ACBD6: variants seen among roughly 807,000 people sequenced by gnomAD.
ACBD6 encodes acyl-CoA binding domain containing 6.
In ACBD6, 28 loss-of-function variants were observed where a neutral mutation model predicts 37.2. The observed-to-expected ratio is 0.75, with a 90% CI of 0.56 to 1.03. The LOEUF (loss-of-function observed/expected upper bound fraction) is 1.03, where lower values mean the gene tolerates loss of function less well. Ranked by LOEUF, ACBD6 falls within the 50% of genes least tolerant of loss-of-function variation. The pLI is 0.00. For missense variants in ACBD6, 340 were observed against 337.4 expected (o/e 1.01, Z -0.06); for synonymous variants, 113 against 126.8 (o/e 0.89, Z 0.73).
At position 180,350,022 on chromosome 1, in the gene ACBD6, CCTT is replaced by C. The variant is rs1276392215; in HGVS notation, c.664-35303_664-35301del. Among the ~76,000 whole-genome samples, 31 of 131,504 alleles carry C rather than the reference CCTT, an allele frequency of 2.4e-4. 1 individual carries two copies. Among genetic ancestry groups the C allele is most frequent in the South Asian group, 4.6e-4 (2 of 4,330 alleles). The allele number at this position is 131,504 out of a possible 152,430, so 86.3% of individuals were successfully genotyped here. Reference sequence around the variant, plus strand: ...AGGTGTTTCAGTCCTCTCCAGTGACCCTTTTTTTTTTTTTTTTTTTTTGAGCAG... The same window carrying C: ...AGGTGTTTCAGTCCTCTCCAGTGACCTTTTTTTTTTTTTTTTTTTGAGCAG... On this transcript the variant is annotated intron_variant, in intron 6 of 7. Transcript: ENST00000367595.
Position 180,288,468 on chromosome 1 carries a change from A to C in ACBD6, c.744T>G (p.Gly248=), listed in dbSNP as rs72712998. The C allele has an allele frequency of 5.8e-3, 9,440 of 1,613,784 alleles. 31 individuals carry two copies. Among genetic ancestry groups the C allele is most frequent in the Non-Finnish European group, 6.6e-3 (7,809 of 1,179,938 alleles). The change falls in exon 8 of 8, where the codon GGT becomes GGG. Residue 248 remains glycine (G), a synonymous_variant. Transcript: ENST00000367595. The part of the protein sequence containing the change: ...LDIVELLLQS[G]ADPTLRDQDG... ...CCTGGTCTCGGAGAGTGGGGTCAGCACCAGACTGGAGCAGCAGCTCTACAA... is the reference window on the plus strand; with the variant it reads ...CCTGGTCTCGGAGAGTGGGGTCAGCCCCAGACTGGAGCAGCAGCTCTACAA...
At chr1:180,421,139 T>C (rs1176489202) in intron 4 of ACBD6, among the ~76,000 whole-genome samples, 6 of 152,146 alleles carry the variant, frequency 3.9e-5, no homozygotes. Context: ...CAGCATCCAT[T>C]AGCTAGCTGT....
intron 5 of ACBD6, among the ~76,000 whole-genome samples, chr1:180,402,123 T>C (rs1271523943): frequency 2.0e-5 from 3 of 152,180 alleles, no homozygotes; most frequent in Non-Finnish European, 4.4e-5. Context: ...CAACCTGTAA[T>C]GTCCCCATCT....
Position 180,274,379 on chromosome 1 carries a change from C to T in ACBD6, c.*937-267G>A, listed in dbSNP as rs148293290. The T allele has an allele frequency of 5.6e-6, 9 of 1,614,092 alleles. No individual in the cohort carries two copies. In the African/African-American group the frequency reaches 1.2e-4, roughly 22 times the overall value. The stretch of plus-strand genomic sequence containing the variant: ...CATATCGTCCCTGCCATCCCACGCT[C>T]CTTTGCTCAATGGGCTGGATTACAC... On this transcript the variant is annotated intron_variant, in intron 10 of 13. Transcript: ENST00000642319.
At chr1:180,298,025 AT>A (rs1310323555) in intron 7 of ACBD6, among the ~76,000 whole-genome samples, 1 of 152,232 alleles carries the variant, frequency 6.6e-6, no homozygotes, top group African/African-American at 2.4e-5. Flanking sequence ...GATAACAGGC[AT>A]GAGCCACTGT....
intron 3 of ACBD6, among the ~76,000 whole-genome samples, chr1:180,438,711 G>A (rs1358476474): frequency 6.6e-6 from 1 of 151,960 alleles, no homozygotes; most frequent in East Asian, 1.9e-4. Flanking sequence ...CTAACATCTT[G>A]CATTGAGTGG....
chr1:180,436,073 G>A (rs2102005695), intron 3 of ACBD6: 1 of 601,912 alleles, frequency 1.7e-6, no homozygotes, highest in Non-Finnish European at 2.9e-6. Context: ...CCAGGTTAAA[G>A]ATGATTCAGC....
Position 180,502,362 on chromosome 1 carries a change from G to A in ACBD6, c.-96C>T, listed in dbSNP as rs1652021171. 1.5e-6 allele frequency: 2 copies of A among 1,370,114 alleles called. No individual in the cohort carries two copies. Among genetic ancestry groups the A allele is most frequent in the Non-Finnish European group, 2.0e-6 (2 of 980,120 alleles). 84.9% of individuals were successfully genotyped at this position (1,370,114 alleles called of 1,614,324 possible). On this transcript the variant is annotated 5_prime_UTR_variant, in exon 1 of 8. Transcript: ENST00000367595. The stretch of plus-strand genomic sequence containing the variant: ...GGCCTGGCCCACCAGTCTGGGTCGC[G>A]AGCCTGAGCTCCAGTCGGACCCAAG...
rs571844992 is a variant in ACBD6, at chr1:180,347,427, T to G, written c.664-32705A>C. Reference sequence around the variant, plus strand: ...TCGGCTAGGCTGGAGTAAAGTGGCGTGATCTTGGCTCACTGCAGCCTCCCC... The same window carrying G: ...TCGGCTAGGCTGGAGTAAAGTGGCGGGATCTTGGCTCACTGCAGCCTCCCC... On this transcript the variant is annotated intron_variant, in intron 6 of 7. Transcript: ENST00000367595. Among the ~76,000 whole-genome samples the G allele has an allele frequency of 7.0e-5, 10 of 142,400 alleles. No homozygotes were observed. In the South Asian group the frequency reaches 2.3e-3, roughly 33 times the overall value. The allele number at this position is 142,400 out of a possible 152,430, so 93.4% of individuals were successfully genotyped here. A position where few individuals can be genotyped will look rare whatever the true frequency, so the allele number is the denominator to read the frequency against.
intron 3 of ACBD6, among the ~76,000 whole-genome samples, chr1:180,486,754 A>T (rs1651281990): frequency 6.6e-6 from 1 of 152,214 alleles, no homozygotes; most frequent in African/African-American, 2.4e-5. Flanking sequence ...CATTAATTAC[A>T]AAGGGAAAAA....
rs75471724 is a variant in ACBD6 at position 180,274,607 on chromosome 1, C to A, written c.*936+44G>T. On this transcript the variant is annotated intron_variant, in intron 10 of 13. Coordinates refer to the ACBD6 transcript ENST00000642319. ...TTCTCTCCTCCCCACCCTACCTGCC[C>A]CCCTGGCTTGAGAGAATATCTTCAA... 1.5e-4 allele frequency: 226 copies of A among 1,529,148 alleles called. No homozygotes were observed. Among genetic ancestry groups the A allele is most frequent in the Non-Finnish European group, 1.9e-4 (216 of 1,142,158 alleles). 94.7% of individuals were successfully genotyped at this position (1,529,148 alleles called of 1,614,324 possible).
intron 7 of ACBD6, among the ~76,000 whole-genome samples, chr1:180,309,390 A>G (rs1014238631): frequency 2.6e-5 from 4 of 152,166 alleles, no homozygotes; most frequent in African/African-American, 9.7e-5. Context: ...AAAGGCATTC[A>G]CTCCTAATGG....
chr1:180,416,348 C>A (rs1472228732), intron 4 of ACBD6, among the ~76,000 whole-genome samples: 1 of 152,184 alleles, frequency 6.6e-6, no homozygotes, highest in Admixed American at 6.5e-5. Context: ...GTCAATCTTG[C>A]CCACTATATC....
chr1:180,436,135 G>A (rs972992854), intron 3 of ACBD6, among the ~76,000 whole-genome samples: 1 of 152,144 alleles, frequency 6.6e-6, no homozygotes, highest in African/African-American at 2.4e-5. Context: ...TCCAAAAAAG[G>A]TCCTTTCAGT....
chr1:180,293,157 T>G (rs1456128084), intron 7 of ACBD6, among the ~76,000 whole-genome samples: 1 of 152,204 alleles, frequency 6.6e-6, no homozygotes, highest in African/African-American at 2.4e-5. Context: ...TCTATGTTCA[T>G]AAGGAATACT....
At chr1:180,377,974 A>AATAATG (rs1341729215) in intron 6 of ACBD6, among the ~76,000 whole-genome samples, 4 of 149,738 alleles carry the variant, frequency 2.7e-5, no homozygotes, top group Non-Finnish European at 3.0e-5. Context: ...TAATAATAAT[A>AATAATG]ATAATAATAG....
At chr1:180,495,548 A>G (rs756352300) in intron 1 of ACBD6, 23 bp from the exon 2 acceptor site, 5 of 1,562,634 alleles carry the variant, frequency 3.2e-6, no homozygotes, top group African/African-American at 2.7e-5. Context: ...AGGAAAATCA[A>G]GAACTTATTT....
At chr1:180,453,481 T>C (rs1649794345) in intron 3 of ACBD6, among the ~76,000 whole-genome samples, 1 of 152,166 alleles carries the variant, frequency 6.6e-6, no homozygotes, top group Non-Finnish European at 1.5e-5. Flanking sequence ...CTTTGAAAAC[T>C]GGTGGAAGAC....
chr1:180,447,160 G>A (rs1326093081), intron 3 of ACBD6, among the ~76,000 whole-genome samples: 4 of 152,066 alleles, frequency 2.6e-5, no homozygotes, highest in Non-Finnish European at 4.4e-5. Context: ...GAACAGAAAT[G>A]ATATGAACAA....
Sources: allele counts gnomAD v4.1 joint callset (sites outside exome capture counted in the v4.1 genomes callset), GRCh38; gene constraint gnomAD v4.1.1; transcripts MANE v1.5; gene names NCBI Gene and HGNC (gene_info 2026-07-23, HGNC 2026-07-21).